The following DGKD variants were observed in gnomAD, a reference collection of about 807,000 sequenced individuals.
DGKD encodes diacylglycerol kinase delta.
DGKD carries 68 observed loss-of-function variants against 154.4 expected under a neutral mutation model. That is an observed-to-expected ratio of 0.44 (90% CI 0.36 to 0.54). The LOEUF (loss-of-function observed/expected upper bound fraction) is 0.54. DGKD is among the 20% of genes least tolerant of loss of function. The pLI is 0.00. For synonymous variants in DGKD, 693 were observed against 638.0 expected (o/e 1.09, Z -1.30); for missense variants, 1,343 against 1,593.6 (o/e 0.84, Z 2.68).
chr2:233,368,903 A>C (rs1702173673), intron 1 of DGKD, among the ~76,000 whole-genome samples: 1 of 152,208 alleles, frequency 6.6e-6, no homozygotes, highest in South Asian at 2.1e-4. Context: ...TTCAGGTAGA[A>C]GGGACAGTGT....
chr2:233,421,568 T>C lies in DGKD; in HGVS notation c.349-12812T>C, dbSNP rs556396020. Among the ~76,000 whole-genome samples, 6 of 152,340 alleles carry C rather than the reference T, an allele frequency of 3.9e-5. No individual in the cohort carries two copies. In the South Asian group the frequency reaches 8.3e-4, roughly 21 times the overall value. On this transcript the variant is annotated intron_variant, in intron 3 of 29. Coordinates refer to ENST00000264057, the MANE Select transcript of DGKD (RefSeq NM_152879.3). ...GTCCTGATGCTTGCAGGTTGGCCCCTGGCCCCCTTCCTGATGCCAGCCCCA... is the reference window on the plus strand; with the variant it reads ...GTCCTGATGCTTGCAGGTTGGCCCCCGGCCCCCTTCCTGATGCCAGCCCCA...
intron 3 of DGKD, among the ~76,000 whole-genome samples, chr2:233,415,998 A>G (rs543948258): frequency 1.3e-5 from 2 of 152,314 alleles, no homozygotes; most frequent in African/African-American, 2.4e-5. Context: ...GGGAAAAGAA[A>G]AAAAAGAATC....
At chr2:233,405,530 A>AG (rs2061664481) in intron 3 of DGKD, among the ~76,000 whole-genome samples, 1 of 151,882 alleles carries the variant, frequency 6.6e-6, no homozygotes, top group Non-Finnish European at 1.5e-5. Flanking sequence ...AAAAAAAAAA[A>AG]AGAAAGAAAA....
chr2:233,377,910 C>G (rs1427214627), intron 1 of DGKD, among the ~76,000 whole-genome samples: 1 of 152,164 alleles, frequency 6.6e-6, no homozygotes, highest in Non-Finnish European at 1.5e-5. Context: ...ACCTCTTGGG[C>G]TCAGGTGATC....
chr2:233,453,444 CT>C lies in DGKD; in HGVS notation c.2265-1318del, dbSNP rs1385461922. Among the ~76,000 whole-genome samples the C allele has an allele frequency of 7.2e-5, 11 of 152,360 alleles. No individual in the cohort carries two copies. In the South Asian group the frequency reaches 2.3e-3, roughly 32 times the overall value. ...GCTGGCCAGGCACTTGGTCTTCCCC[CT>C]GGTAAACAGTTTTGTCCCAGAGCTT... is the stretch of plus-strand genomic sequence containing the variant. On this transcript the variant is annotated intron_variant, in intron 18 of 29. Coordinates refer to ENST00000264057, the MANE Select transcript of DGKD (RefSeq NM_152879.3).
chr2:233,466,183 A>G (rs941402900), intron 27 of DGKD, among the ~76,000 whole-genome samples: 2 of 151,354 alleles, frequency 1.3e-5, no homozygotes, highest in Non-Finnish European at 2.9e-5. Flanking sequence ...GACTTGCCCA[A>G]TAGGTGGTTT....
chr2:233,467,163 C>A lies in DGKD; in HGVS notation c.3384C>A (p.Asn1128Lys), dbSNP rs867704709. Reference sequence around the variant, plus strand: ...TGACCAAGTTTAAAAAGGAGAAAAACAACAAGAACAAAGAAGCTCACAGTA... The same window carrying A: ...TGACCAAGTTTAAAAAGGAGAAAAAAAACAAGAACAAAGAAGCTCACAGTA... ...RLVTKFKKEK[N>K]NKNKEAHSSL... The change falls in exon 28 of 30, where the codon AAC (asparagine) becomes AAA (lysine). Residue 1128 changes from asparagine (N) to lysine (K), a missense_variant. By Grantham distance (94) the Asn-to-Lys change is moderately conservative. Coordinates refer to ENST00000264057, the MANE Select transcript of DGKD (RefSeq NM_152879.3). 1.2e-6 allele frequency: 2 copies of A among 1,613,976 alleles called. No individual in the cohort carries two copies. Among genetic ancestry groups the A allele is most frequent in the African/African-American group, 2.7e-5 (2 of 74,944 alleles).
chr2:233,360,172 C>A (rs1327817155), intron 1 of DGKD, among the ~76,000 whole-genome samples: 1 of 152,208 alleles, frequency 6.6e-6, no homozygotes, highest in Non-Finnish European at 1.5e-5. Context: ...GTAGTGGCGT[C>A]TGTAGTGGAT....
intron 1 of DGKD, among the ~76,000 whole-genome samples, chr2:233,355,002 G>C (rs1701475232): frequency 6.6e-6 from 1 of 151,522 alleles, no homozygotes; most frequent in South Asian, 2.1e-4. Context: ...AGATGCAGGG[G>C]ACTGCGCTCG....
rs2063846744 is a variant in DGKD, at chr2:233,467,113, A to C, written c.3334A>C (p.Ser1112Arg). Residue 1112 changes from serine to arginine, a missense_variant, in exon 28 of 30, where the codon AGT (serine) becomes CGT (arginine). Physicochemically the swap from Ser to Arg is moderately radical, Grantham distance 110. Coordinates refer to ENST00000264057, the MANE Select transcript of DGKD (RefSeq NM_152879.3). ...ESVMLDLAKR[S>R]RSGKFRLVTK... ...TGTGATGCTGGATCTTGCCAAGCGC[A>C]GTCGCAGTGGTAAATTCCGCCTCGT... 1.2e-5 allele frequency: 19 copies of C among 1,614,088 alleles called. No homozygotes were observed. Among genetic ancestry groups the C allele is most frequent in the Non-Finnish European group, 1.6e-5 (19 of 1,180,026 alleles).
Position 233,445,790 on chromosome 2 carries a change from A to G in DGKD, c.1334+28A>G. On this transcript the variant is annotated intron_variant, in intron 11 of 29. Coordinates refer to ENST00000264057, the MANE Select transcript of DGKD (RefSeq NM_152879.3). The surrounding 1 kb of genome is among the most constrained non-coding windows in gnomAD (Gnocchi z 5.5). ...GAGTGGGGATGTGCTCCGGTGCCGT[A>G]TGAGGAGACTTTGAGAGACAGGTCC... 1 of 1,579,908 alleles carries G rather than the reference A, an allele frequency of 6.3e-7. No homozygotes were observed.
At chr2:233,362,851 C>G (rs1701847282) in intron 1 of DGKD, among the ~76,000 whole-genome samples, 1 of 152,090 alleles carries the variant, frequency 6.6e-6, no homozygotes, top group African/African-American at 2.4e-5. Context: ...TATAATGAAG[C>G]TGAAAAATTC....
At chr2:233,396,729 G>T (rs774594708) in intron 3 of DGKD, among the ~76,000 whole-genome samples, 10 of 152,070 alleles carry the variant, frequency 6.6e-5, no homozygotes, top group Non-Finnish European at 1.0e-4. Context: ...CTGTGTGTTG[G>T]TGTGTGTCTG....
chr2:233,407,844 C>G (rs139724456), intron 3 of DGKD, among the ~76,000 whole-genome samples: 1 of 152,168 alleles, frequency 6.6e-6, no homozygotes, highest in Non-Finnish European at 1.5e-5. Context: ...GCCTACCTAG[C>G]GTGAAACTGT....
At chr2:233,384,238 A>T (rs1237975318) in intron 1 of DGKD, among the ~76,000 whole-genome samples, 12 of 151,980 alleles carry the variant, frequency 7.9e-5, no homozygotes, top group Admixed American at 2.0e-4. Context: ...CTTTATCCTC[A>T]GCTCAGTTCT....
chr2:233,460,058 TC>T, intron 23 of DGKD, 135 bp from the exon 24 acceptor site: 1 of 1,462,240 alleles, frequency 6.8e-7, no homozygotes, highest in East Asian at 2.4e-5. Context: ...ACCATCTCCT[TC>T]CCCTAATGTT....
chr2:233,387,385 G>T (rs951559901), intron 1 of DGKD, among the ~76,000 whole-genome samples: 4 of 152,156 alleles, frequency 2.6e-5, no homozygotes, highest in Admixed American at 2.0e-4. Context: ...GTAACATAGT[G>T]TGCGAACGCC....
Position 233,447,077 on chromosome 2 carries a change from C to G in DGKD, c.1419+281C>G, listed in dbSNP as rs902841588. Reference sequence around the variant, plus strand: ...CTCCTAATGGCCTTTCCACCCTGTCCGTGCATCTCCTCAGCTGCGCAGTGA... The same window carrying G: ...CTCCTAATGGCCTTTCCACCCTGTCGGTGCATCTCCTCAGCTGCGCAGTGA... On this transcript the variant is annotated intron_variant, in intron 12 of 29. Coordinates refer to ENST00000264057, the MANE Select transcript of DGKD (RefSeq NM_152879.3). Among the ~76,000 whole-genome samples the G allele has an allele frequency of 3.3e-5, 5 of 152,152 alleles. No homozygotes were observed. The East Asian group carries it at 5.8e-4, about 18-fold the overall frequency.
intron 3 of DGKD, among the ~76,000 whole-genome samples, chr2:233,404,326 A>G (rs2061629055): frequency 6.6e-6 from 1 of 152,158 alleles, no homozygotes; most frequent in Non-Finnish European, 1.5e-5. Flanking sequence ...CCTGTTGGAG[A>G]TAATGCTAGA....
Sources: allele counts gnomAD v4.1 joint callset (sites outside exome capture counted in the v4.1 genomes callset), GRCh38; gene constraint gnomAD v4.1.1; non-coding constraint Gnocchi (gnomAD v3.1); transcripts MANE v1.5; gene names NCBI Gene and HGNC (gene_info 2026-07-23, HGNC 2026-07-21).